The following CSMD1 variants were observed in gnomAD, a reference collection of about 807,000 sequenced individuals.
CSMD1 encodes the protein CUB and Sushi multiple domains 1, also known as CUB and sushi domain-containing protein 1.
A neutral mutation model predicts 417.5 loss-of-function variants in CSMD1; 213 were observed. The observed-to-expected ratio is 0.51, with a 90% CI of 0.46 to 0.57. The LOEUF is 0.57. CSMD1 is among the 20% of genes least tolerant of loss of function. The probability of loss-of-function intolerance (pLI) is 0.00; values close to 1 mark genes in which losing one functional copy is unlikely to be tolerated. For synonymous variants in CSMD1, 2,862 were observed against 1,736.8 expected (o/e 1.65, Z -16.11); for missense variants, 6,923 against 4,529.7 (o/e 1.53, Z -15.17).
At chr8:4,850,978 T>C (rs1288717348) in intron 1 of CSMD1, among the ~76,000 whole-genome samples, 1 of 152,066 alleles carries the variant, frequency 6.6e-6, no homozygotes, top group African/African-American at 2.4e-5. Flanking sequence ...CTTTGAGTTT[T>C]AGGGTACATG....
At chr8:4,418,952 C>G (rs997756344) in intron 3 of CSMD1, among the ~76,000 whole-genome samples, 8 of 152,300 alleles carry the variant, frequency 5.3e-5, no homozygotes, top group African/African-American at 1.7e-4. Context: ...CGGTCCATTC[C>G]TATGTCTCTG....
chr8:3,387,319 T>A (rs189277854), intron 18 of CSMD1, among the ~76,000 whole-genome samples, 175 bp downstream of exon 18: 1 of 152,296 alleles, frequency 6.6e-6, no homozygotes, highest in East Asian at 1.9e-4. Context: ...TACACGGTGG[T>A]AGGTAAACTT....
intron 3 of CSMD1, among the ~76,000 whole-genome samples, chr8:4,094,728 T>C (rs1800909365): frequency 6.6e-6 from 1 of 152,088 alleles, no homozygotes; most frequent in South Asian, 2.1e-4. Context: ...GTGGGGAGCC[T>C]CCTTCTCCAT....
At chr8:3,917,130 G>T (rs939787449) in intron 5 of CSMD1, among the ~76,000 whole-genome samples, 1 of 152,110 alleles carries the variant, frequency 6.6e-6, no homozygotes, top group Admixed American at 6.5e-5. Context: ...GATAGTCTAA[G>T]AGAATGAGTG....
chr8:4,942,646 C>T (rs1808087225), intron 1 of CSMD1, among the ~76,000 whole-genome samples: 1 of 152,118 alleles, frequency 6.6e-6, no homozygotes, highest in African/African-American at 2.4e-5. Flanking sequence ...CACCATCTAT[C>T]CACTAAATAT....
chr8:4,902,585 G>A (rs924777233), intron 1 of CSMD1, among the ~76,000 whole-genome samples: 1 of 152,186 alleles, frequency 6.6e-6, no homozygotes, highest in Non-Finnish European at 1.5e-5. Flanking sequence ...ATATTATGCT[G>A]TGGCTAATAA....
At chr8:4,099,278 G>T (rs547605203) in intron 3 of CSMD1, among the ~76,000 whole-genome samples, 6 of 151,018 alleles carry the variant, frequency 4.0e-5, no homozygotes, top group South Asian at 2.1e-4. Context: ...TACTTTCATC[G>T]CCTCTATCCT....
At chr8:4,432,210 A>G (rs575976692) in intron 2 of CSMD1, among the ~76,000 whole-genome samples, 1 of 152,252 alleles carries the variant, frequency 6.6e-6, no homozygotes, top group Non-Finnish European at 1.5e-5. Context: ...ATTGGAATTT[A>G]AAAATTTTGT....
intron 5 of CSMD1, among the ~76,000 whole-genome samples, chr8:3,857,020 G>T (rs181593149): frequency 1.3e-5 from 2 of 152,174 alleles, no homozygotes; most frequent in South Asian, 2.1e-4. Flanking sequence ...GCATGGCAAT[G>T]ATTAGAAATA....
rs1396217437 is a variant in CSMD1 at position 4,009,054 on chromosome 8, ATTGAG to A, written c.611-10949_611-10945del. 6.6e-5 allele frequency among the ~76,000 whole-genome samples: 10 copies of A among 152,238 alleles called. No homozygotes were observed. The South Asian group carries it at 1.0e-3, about 16-fold the overall frequency. The stretch of plus-strand genomic sequence containing the variant: ...TTATTTTTAAAAATATTTTTCCTTT[ATTGAG>A]TTATCATAAAATTCTGCATTTGAAG... On this transcript the variant is annotated intron_variant, in intron 4 of 69. Transcript: ENST00000635120.
Position 3,112,718 on chromosome 8 carries a change from G to C in CSMD1, c.6431-2383C>G, listed in dbSNP as rs765944075. 5.9e-5 allele frequency among the ~76,000 whole-genome samples: 9 copies of C among 152,192 alleles called. No individual in the cohort carries two copies. The East Asian group carries it at 7.7e-4, about 13-fold the overall frequency. ...AAAGCTTATTGAATAGTGATGAAGAGAGATATTAAGCAAACACTACAGAAG... is the reference window on the plus strand; with the variant it reads ...AAAGCTTATTGAATAGTGATGAAGACAGATATTAAGCAAACACTACAGAAG... On this transcript the variant is annotated intron_variant, in intron 42 of 69. Transcript: ENST00000635120.
intron 1 of CSMD1, among the ~76,000 whole-genome samples, chr8:4,706,692 G>T (rs1424443460): frequency 1.3e-5 from 2 of 152,126 alleles, no homozygotes; most frequent in African/African-American, 4.8e-5. Context: ...GTTAATAATG[G>T]CATGAAAGTC....
At chr8:4,782,835 C>T (rs1441407393) in intron 1 of CSMD1, among the ~76,000 whole-genome samples, 1 of 151,764 alleles carries the variant, frequency 6.6e-6, no homozygotes, top group African/African-American at 2.4e-5. Flanking sequence ...ATTTAGAAAG[C>T]ACAACTCAAG....
intron 10 of CSMD1, among the ~76,000 whole-genome samples, chr8:3,574,102 C>G (rs1196238536): frequency 6.6e-6 from 1 of 152,114 alleles, no homozygotes; most frequent in Non-Finnish European, 1.5e-5. Context: ...CCCTCTATTA[C>G]TACCCTGGAG....
intron 4 of CSMD1, among the ~76,000 whole-genome samples, chr8:4,006,524 C>A (rs1816128663): frequency 6.6e-6 from 1 of 152,140 alleles, no homozygotes; most frequent in Non-Finnish European, 1.5e-5. Flanking sequence ...GCCTGAGCGA[C>A]AGAGTGAGGC....
intron 3 of CSMD1, among the ~76,000 whole-genome samples, chr8:4,063,641 C>G (rs993519617): frequency 6.6e-6 from 1 of 152,204 alleles, no homozygotes; most frequent in Non-Finnish European, 1.5e-5. Flanking sequence ...GTGGACACAT[C>G]AGGTGCTGCC....
intron 5 of CSMD1, among the ~76,000 whole-genome samples, chr8:3,991,095 T>C (rs936749651): frequency 6.6e-6 from 1 of 152,176 alleles, no homozygotes; most frequent in Non-Finnish European, 1.5e-5. Context: ...AGCGGCTTCA[T>C]CCCTGGCCAC....
chr8:3,623,484 A>G (rs953467799), intron 7 of CSMD1, among the ~76,000 whole-genome samples: 1 of 152,266 alleles, frequency 6.6e-6, no homozygotes, highest in African/African-American at 2.4e-5. Flanking sequence ...TAAGATCTAT[A>G]TGAGTGAATA....
intron 3 of CSMD1, among the ~76,000 whole-genome samples, chr8:4,210,154 G>A (rs985244866): frequency 3.3e-5 from 5 of 152,150 alleles, no homozygotes; most frequent in Non-Finnish European, 7.4e-5. Context: ...GTCACTGTGT[G>A]TCAAATCTGA....
Sources: gnomAD v4.1 joint callset for allele counts (sites outside exome capture counted in the v4.1 genomes callset) on GRCh38, gnomAD v4.1.1 for gene constraint, MANE v1.5 for transcripts, NCBI Gene and HGNC (gene_info 2026-07-23, HGNC 2026-07-21) for gene names.